Variants in TMF1 observed in about 807,000 individuals in gnomAD.
TMF1 encodes TATA element modulatory factor.
TMF1 carries 71 observed loss-of-function variants against 126.5 expected under a neutral mutation model. The observed-to-expected ratio is 0.56, with a 90% CI of 0.46 to 0.68. The LOEUF (loss-of-function observed/expected upper bound fraction) is 0.68. Among genes scored for constraint, TMF1 ranks in the 30% least tolerant of loss-of-function variants. TMF1 has a pLI of 0.00. For synonymous variants in TMF1, 461 were observed against 430.5 expected (o/e 1.07, Z -0.88); for missense variants, 1,259 against 1,253.2 (o/e 1.00, Z -0.07).
chr3:69,038,751 T>G (rs762759417), intron 7 of TMF1, 31 bp from the exon 8 acceptor site: 1 of 1,599,000 alleles, frequency 6.3e-7, no homozygotes, highest in East Asian at 2.2e-5. Flanking sequence ...TTATAAATGT[T>G]GCCAGTGATC....
chr3:69,024,928 CA>C (rs553858679), intron 15 of TMF1: 1 of 149,716 alleles, frequency 6.7e-6, no homozygotes, highest in Non-Finnish European at 1.5e-5. Context: ...TGTCAGCACT[CA>C]AAGTTTTGGA....
chr3:69,039,403 A>C, intron 6 of TMF1, 148 bp downstream of exon 6: 1 of 956,114 alleles, frequency 1.0e-6, no homozygotes. Context: ...CACTCGGCTA[A>C]AAAATCTTAT....
chr3:69,052,189 C>T lies in TMF1; in HGVS notation c.-103G>A. 1 of 1,331,926 alleles carries T rather than the reference C, an allele frequency of 7.5e-7. No individual in the cohort carries two copies. Among genetic ancestry groups the T allele is most frequent in the African/African-American group, 1.5e-5 (1 of 67,440 alleles). 82.5% of individuals were successfully genotyped at this position (1,331,926 alleles called of 1,614,324 possible). ...GGCTTCGCTCCCCTTTTCCACTCGG[C>T]TGGTTCTGTCAGCGTGTGGCCATTA... is the stretch of plus-strand genomic sequence containing the variant. On this transcript the variant is annotated 5_prime_UTR_variant, in exon 1 of 17. Coordinates refer to ENST00000398559, the MANE Select transcript of TMF1 (RefSeq NM_007114.3).
chr3:69,039,210 C>G (rs2091849984), intron 6 of TMF1, among the ~76,000 whole-genome samples: 1 of 152,168 alleles, frequency 6.6e-6, no homozygotes, highest in African/African-American at 2.4e-5. Flanking sequence ...CTTAGCCTCC[C>G]AAGTAGCTGG....
Position 69,047,964 on chromosome 3 carries a change from A to T in TMF1, c.741T>A (p.Ser247Arg), listed in dbSNP as rs762736143. 1 of 1,613,900 alleles carries T rather than the reference A, an allele frequency of 6.2e-7. No individual in the cohort carries two copies. Among genetic ancestry groups the T allele is most frequent in the Non-Finnish European group, 8.5e-7 (1 of 1,180,032 alleles). Residue 247 changes from serine (S) to arginine (R), a missense_variant, in exon 2 of 17, where the codon AGT becomes AGA. Transcript: ENST00000398559. The part of the protein sequence containing the change: ...RQSNTPSPPV[S>R]TFSSGTSTTS... ...TGGTAGAAGTACCTGATGAAAAGGT[A>T]CTAACAGGAGGAGAAGGTGTATTGC...
chr3:69,026,186 A>G (rs2091766280), intron 13 of TMF1, 89 bp from the exon 14 acceptor site: 1 of 824,934 alleles, frequency 1.2e-6, no homozygotes, highest in South Asian at 1.6e-5. Context: ...AATGAGAACA[A>G]AGATTCAGTC....
intron 4 of TMF1, 71 bp from the exon 5 acceptor site, chr3:69,042,983 C>T (rs1467573009): frequency 1.3e-5 from 14 of 1,095,974 alleles, no homozygotes; most frequent in Non-Finnish European, 1.9e-5. Flanking sequence ...CATTTCTCCC[C>T]CATCCAAAGA....
Position 69,038,864 on chromosome 3 carries a change from G to A in TMF1, c.1973C>T (p.Ala658Val). Residue 658 changes from alanine (A) to valine (V), a missense_variant, in exon 7 of 17, where the codon GCT becomes GTT. Ala to Val is a moderately conservative substitution (Grantham distance 64). Coordinates refer to ENST00000398559, the MANE Select transcript of TMF1 (RefSeq NM_007114.3). ...ELEEKNRSIQAALDSAYKELT... is the reference protein window; with the variant it reads ...ELEEKNRSIQVALDSAYKELT... ...TTACTTGTATGCACTATCCAGGGCA[G>A]CCTGAATACTTCGGTTCTTTTCTTC... 3 of 1,607,692 alleles carry A rather than the reference G, an allele frequency of 1.9e-6. No individual in the cohort carries two copies. Among genetic ancestry groups the A allele is most frequent in the Non-Finnish European group, 2.5e-6 (3 of 1,177,600 alleles).
chr3:69,047,600 T>C lies in TMF1; in HGVS notation c.1105A>G (p.Thr369Ala). ...IVNSSTPKSK[T>A]VESAEGKSEE... ...GATTTTCCTTCAGCAGATTCAACTG[T>C]TTTAGACTTTGGAGTTGAAGAATTA... is the stretch of plus-strand genomic sequence containing the variant. The change falls in exon 2 of 17, where the codon ACA becomes GCA. Residue 369 changes from threonine to alanine, a missense_variant. Transcript: ENST00000398559. 6.2e-7 allele frequency: 1 copy of C among 1,614,108 alleles called. No individual in the cohort carries two copies. Among genetic ancestry groups the C allele is most frequent in the Non-Finnish European group, 8.5e-7 (1 of 1,180,032 alleles).
chr3:69,039,251 A>G (rs2091850167), intron 6 of TMF1, among the ~76,000 whole-genome samples: 1 of 152,030 alleles, frequency 6.6e-6, no homozygotes, highest in African/African-American at 2.4e-5. Context: ...ACGCCCGGCT[A>G]ATTTTTGTAT....
chr3:69,049,374 G>A (rs1419007456), intron 1 of TMF1, among the ~76,000 whole-genome samples: 3 of 152,060 alleles, frequency 2.0e-5, no homozygotes, highest in East Asian at 1.9e-4. Context: ...AACCTGTCTC[G>A]AAAACAAACA....
At chr3:69,031,464 G>C (rs2091802612) in intron 10 of TMF1, among the ~76,000 whole-genome samples, 1 of 151,922 alleles carries the variant, frequency 6.6e-6, no homozygotes, top group Admixed American at 6.6e-5. Context: ...ATAAAACTTT[G>C]GAAATCTGAA....
chr3:69,050,640 A>C (rs1434380996), intron 1 of TMF1, among the ~76,000 whole-genome samples: 1 of 152,222 alleles, frequency 6.6e-6, no homozygotes, highest in African/African-American at 2.4e-5. Context: ...AATTCTAATT[A>C]ACTGGGGCAC....
intron 2 of TMF1, 136 bp downstream of exon 2, chr3:69,047,222 G>A (rs1363832699): frequency 1.9e-6 from 2 of 1,026,910 alleles, no homozygotes; most frequent in Non-Finnish European, 2.7e-6. Context: ...GGTACTTAAT[G>A]CTACACAGAA....
intron 1 of TMF1, among the ~76,000 whole-genome samples, chr3:69,051,624 C>A (rs1250542701): frequency 6.6e-6 from 1 of 152,086 alleles, no homozygotes; most frequent in Non-Finnish European, 1.5e-5. Context: ...GGTTCAGGTT[C>A]GGGAAGGTTG....
In TMF1 at chr3:69,021,263, G is replaced by A. The variant is rs959268232; in HGVS notation, c.*1914C>T. 1 of 152,520 alleles carries A rather than the reference G, an allele frequency of 6.6e-6. No homozygotes were observed. The highest frequency in any genetic ancestry group is 1.5e-5 in the Non-Finnish European group (1 of 68,008). 9.4% of individuals were successfully genotyped at this position (152,520 alleles called of 1,614,324 possible). A position where few individuals can be genotyped will look rare whatever the true frequency, so the allele number is the denominator to read the frequency against. ...GTATAGGAAAAAACAGTGTATAGAG[G>A]TGTCTATACTATCCATGGTTTCAGA... On this transcript the variant is annotated 3_prime_UTR_variant, in exon 17 of 17. Transcript: ENST00000398559.
rs769085795 is a variant in TMF1 at position 69,028,256 on chromosome 3, T to C, written c.2634A>G (p.Val878=). 1.2e-6 allele frequency: 2 copies of C among 1,613,374 alleles called. No individual in the cohort carries two copies. Among genetic ancestry groups the C allele is most frequent in the Middle Eastern group, 1.7e-4 (1 of 6,060 alleles). Residue 878 remains valine, a synonymous_variant, in exon 12 of 17, where the codon GTA becomes GTG. Coordinates refer to ENST00000398559, the MANE Select transcript of TMF1 (RefSeq NM_007114.3). ...VELENLKDEY[V]RTLEETRKEK... ...CTTTCCTCGTCTCTTCAAGTGTTCT[T>C]ACATATTCATCTTTTAGGTTTTCCA...
In TMF1 at chr3:69,022,973, GT is replaced by G; in HGVS notation, c.*203del. 2.3e-6 allele frequency: 1 copy of G among 437,080 alleles called. No homozygotes were observed. The highest frequency in any genetic ancestry group is 4.0e-6 in the Non-Finnish European group (1 of 251,234). 27.1% of individuals were successfully genotyped at this position (437,080 alleles called of 1,614,324 possible). On this transcript the variant is annotated 3_prime_UTR_variant, in exon 17 of 17. Transcript: ENST00000398559. ...TTAAAAAATAAATCTTTAAAGAATA[GT>G]TTCAAAAATAAAGTTCAAATATTGC...
chr3:69,026,050 T>C lies in TMF1; in HGVS notation c.2805A>G (p.Ser935=), dbSNP rs1267254428. 2 of 1,614,006 alleles carry C rather than the reference T, an allele frequency of 1.2e-6. No individual in the cohort carries two copies. The highest frequency in any genetic ancestry group is 2.7e-5 in the African/African-American group (2 of 74,918). ...SVSSTPTMSR[S]SSISGVDMAG... ...CCATATCAACACCACTTATTGAACT[T>C]GAGCGTGACATGGTGGGAGTGCTAG... The change falls in exon 14 of 17, where the codon TCA becomes TCG. Residue 935 remains serine, a synonymous_variant. Transcript: ENST00000398559.
Sources: allele counts gnomAD v4.1 joint callset (sites outside exome capture counted in the v4.1 genomes callset), GRCh38; gene constraint gnomAD v4.1.1; transcripts MANE v1.5; gene names NCBI Gene and HGNC (gene_info 2026-07-23, HGNC 2026-07-21).